SYT7: variants seen among roughly 807,000 people sequenced by gnomAD.
SYT7 encodes the protein synaptotagmin-7.
SYT7 carries 29 observed loss-of-function variants against 75.1 expected under a neutral mutation model. The ratio of observed to expected loss-of-function variants is 0.39; its 90% confidence interval spans 0.29 to 0.53. The LOEUF (loss-of-function observed/expected upper bound fraction) is 0.53, where lower values mean the gene tolerates loss of function less well. SYT7 is among the 20% of genes least tolerant of loss of function. The pLI, the probability that SYT7 is intolerant of heterozygous loss-of-function variation, is 0.77. For missense variants in SYT7, 693 were observed against 953.2 expected (o/e 0.73, Z 3.59); for synonymous variants, 376 against 401.7 (o/e 0.94, Z 0.76).
intron 1 of SYT7, among the ~76,000 whole-genome samples, chr11:61,565,009 G>T (rs1467478122): frequency 2.0e-5 from 3 of 152,152 alleles, no homozygotes; most frequent in Non-Finnish European, 4.4e-5. Flanking sequence ...ACTGATCAGG[G>T]TGCAACCACT....
intron 1 of SYT7, among the ~76,000 whole-genome samples, chr11:61,579,891 G>A (rs1453161357): frequency 2.6e-5 from 4 of 152,314 alleles, no homozygotes; most frequent in East Asian, 1.9e-4. Context: ...AGGTGGGAGC[G>A]GGGATGGAGC....
intron 3 of SYT7, among the ~76,000 whole-genome samples, chr11:61,547,547 C>G (rs2063228202): frequency 6.6e-6 from 1 of 152,068 alleles, no homozygotes; most frequent in Admixed American, 6.5e-5. Flanking sequence ...CACACGCACG[C>G]ACTCGAGGGC....
chr11:61,582,466 C>T (rs1420856112), upstream of SYT7, among the ~76,000 whole-genome samples: 1 of 152,092 alleles, frequency 6.6e-6, no homozygotes, highest in African/African-American at 2.4e-5. Flanking sequence ...CACAAACAGA[C>T]CCCATCCCCT....
chr11:61,520,396 C>T (rs1044931029), intron 12 of SYT7, among the ~76,000 whole-genome samples: 4 of 151,834 alleles, frequency 2.6e-5, no homozygotes, highest in South Asian at 4.2e-4. Flanking sequence ...CATGGTGGTA[C>T]GTGCCTGGAG....
intron 3 of SYT7, among the ~76,000 whole-genome samples, chr11:61,549,301 T>C (rs975750044): frequency 1.3e-5 from 2 of 152,196 alleles, no homozygotes; most frequent in Non-Finnish European, 2.9e-5. Context: ...TAAAGAAATT[T>C]GGGAAACACT....
intron 2 of SYT7, among the ~76,000 whole-genome samples, chr11:61,552,204 G>A (rs2063372536): frequency 1.3e-5 from 2 of 152,110 alleles, no homozygotes; most frequent in Admixed American, 1.3e-4. Flanking sequence ...GCGGCAACTG[G>A]GCCTGCTGCC....
chr11:61,545,389 G>A (rs1245178729), intron 5 of SYT7, among the ~76,000 whole-genome samples: 2 of 152,242 alleles, frequency 1.3e-5, no homozygotes, highest in Non-Finnish European at 2.9e-5. Context: ...TGGTGGGATA[G>A]CTCGGTGACC....
rs547305157 is a variant in SYT7, at chr11:61,579,245, T to C, written c.31+1545A>G. On this transcript the variant is annotated intron_variant, in intron 1 of 12. Transcript: ENST00000539008. ...GCTTCTGAACTAAGCTACTGGCTTC[T>C]AAGAAGGTGAGCAGAGCAAGAGAAT... is the stretch of plus-strand genomic sequence containing the variant. 7.9e-5 allele frequency among the ~76,000 whole-genome samples: 12 copies of C among 152,322 alleles called. No homozygotes were observed. In the East Asian group the frequency reaches 2.3e-3, roughly 29 times the overall value.
Position 61,529,256 on chromosome 11 carries a change from C to T in SYT7, c.1201-1071G>A, listed in dbSNP as rs970898850. On this transcript the variant is annotated intron_variant, in intron 8 of 12. Coordinates refer to ENST00000539008, the MANE Select transcript of SYT7 (RefSeq NM_001365809.2). ...GCATCTCTTCTCTCCCCAACTTCCC[C>T]TGTAGAAACCTGCTTTGTGCCCTTT... is the stretch of plus-strand genomic sequence containing the variant. Among the ~76,000 whole-genome samples the T allele has an allele frequency of 2.6e-5, 4 of 152,210 alleles. No individual in the cohort carries two copies. In the South Asian group the frequency reaches 8.3e-4, roughly 31 times the overall value.
At chr11:61,552,504 G>A (rs577417110) in intron 2 of SYT7, among the ~76,000 whole-genome samples, 6 of 152,104 alleles carry the variant, frequency 3.9e-5, no homozygotes, top group South Asian at 4.2e-4. Context: ...ACACGTGCGC[G>A]CACAAATGCT....
At chr11:61,549,684 G>T (rs2063291712) in intron 3 of SYT7, among the ~76,000 whole-genome samples, 1 of 152,206 alleles carries the variant, frequency 6.6e-6, no homozygotes, top group Non-Finnish European at 1.5e-5. Flanking sequence ...CTGTCCCTCG[G>T]GGCAGAGGGC....
chr11:61,528,318 G>T, intron 8 of SYT7, 133 bp from the exon 9 acceptor site: 7 of 1,135,976 alleles, frequency 6.2e-6, no homozygotes, highest in Non-Finnish European at 7.4e-6. Flanking sequence ...ACGCTGCTCA[G>T]GCTCAGAGGG....
intron 1 of SYT7, among the ~76,000 whole-genome samples, chr11:61,571,484 G>A (rs1939930286): frequency 6.6e-6 from 1 of 152,246 alleles, no homozygotes; most frequent in South Asian, 2.1e-4. Flanking sequence ...GTGCCATGCT[G>A]CAGCACACAG....
intron 1 of SYT7, among the ~76,000 whole-genome samples, chr11:61,569,151 T>A (rs1190903038): frequency 6.6e-6 from 1 of 151,976 alleles, no homozygotes; most frequent in Non-Finnish European, 1.5e-5. Context: ...TAACTTGGAG[T>A]CTCGGAGTCT....
Position 61,551,578 on chromosome 11 carries a change from G to T in SYT7, c.136-115C>A. 1 of 1,065,630 alleles carries T rather than the reference G, an allele frequency of 9.4e-7. No individual in the cohort carries two copies. Among genetic ancestry groups the T allele is most frequent in the Non-Finnish European group, 1.4e-6 (1 of 715,784 alleles). The allele number at this position is 1,065,630 out of a possible 1,614,324, so 66.0% of individuals were successfully genotyped here. A position where few individuals can be genotyped will look rare whatever the true frequency, so the allele number is the denominator to read the frequency against. Reference sequence around the variant, plus strand: ...GACTGGAGTCGGGCCGTGGCAACAAGGCCAGGACCAGTGTGCGAGGCTGTC... The same window carrying T: ...GACTGGAGTCGGGCCGTGGCAACAATGCCAGGACCAGTGTGCGAGGCTGTC... On this transcript the variant is annotated intron_variant, in intron 2 of 12. Transcript: ENST00000539008. The surrounding 1 kb of genome is among the most constrained non-coding windows in gnomAD (Gnocchi z 5.3).
upstream of SYT7, among the ~76,000 whole-genome samples, chr11:61,585,760 G>T (rs139259462): frequency 3.5e-3 from 526 of 152,154 alleles, 3 homozygotes; most frequent in African/African-American, 0.012. Flanking sequence ...CTTCTGCCAG[G>T]TTCTGCTTTG....
chr11:61,541,239 C>T, intron 6 of SYT7: 1 of 985,598 alleles, frequency 1.0e-6, no homozygotes, highest in Non-Finnish European at 1.2e-6. Flanking sequence ...GTGCTGGTCT[C>T]CTGCTCCGTG....
upstream of SYT7, among the ~76,000 whole-genome samples, chr11:61,584,891 G>T (rs2135494948): frequency 1.3e-5 from 2 of 152,356 alleles, no homozygotes; most frequent in East Asian, 3.9e-4. Context: ...TACAGAAGGG[G>T]GGCCCAAAGA....
chr11:61,547,112 G>A (rs1270820275), intron 4 of SYT7, 65 bp downstream of exon 4: 12 of 1,511,328 alleles, frequency 7.9e-6, no homozygotes, highest in Non-Finnish European at 9.7e-6. Context: ...GTGGGGGCAG[G>A]AGGAGGGAAG....
Sources: allele counts gnomAD v4.1 joint callset (sites outside exome capture counted in the v4.1 genomes callset), GRCh38; gene constraint gnomAD v4.1.1; non-coding constraint Gnocchi (gnomAD v3.1); transcripts MANE v1.5; gene names NCBI Gene and HGNC (gene_info 2026-07-23, HGNC 2026-07-21).